The following UBE2E1 variants were observed in gnomAD, a reference collection of about 807,000 sequenced individuals.
The protein encoded by UBE2E1 is ubiquitin conjugating enzyme E2 E1.
Under a neutral mutation model 21.4 loss-of-function variants are expected in UBE2E1, and 6 were observed. The ratio of observed to expected loss-of-function variants is 0.28; its 90% CI spans 0.15 to 0.55. The LOEUF (loss-of-function observed/expected upper bound fraction) is 0.55, where lower values mean the gene tolerates loss of function less well. Among genes scored for constraint, UBE2E1 ranks in the 20% least tolerant of loss-of-function variants. UBE2E1 has a pLI of 0.93. For missense variants in UBE2E1, 142 were observed against 236.5 expected, an observed-to-expected ratio of 0.60 and a Z score of 2.62; for synonymous variants, 87 against 82.7, an observed-to-expected ratio of 1.05 and a Z score of -0.28.
intron 3 of UBE2E1, among the ~76,000 whole-genome samples, chr3:23,869,086 G>A (rs1700721517): frequency 6.6e-6 from 1 of 152,134 alleles, no homozygotes; most frequent in Non-Finnish European, 1.5e-5. Flanking sequence ...CTTAGGGTAA[G>A]TTCCAAGAAG....
chr3:23,813,054 G>A (rs1699437115), intron 3 of UBE2E1, among the ~76,000 whole-genome samples: 1 of 151,516 alleles, frequency 6.6e-6, no homozygotes, highest in African/African-American at 2.4e-5. Context: ...GAGTTTATGT[G>A]TGAAAGATTT....
chr3:23,831,127 T>C (rs1324297233), intron 3 of UBE2E1, among the ~76,000 whole-genome samples: 1 of 152,192 alleles, frequency 6.6e-6, no homozygotes, highest in African/African-American at 2.4e-5. Context: ...GTAACAGCAG[T>C]CTAATTAATT....
chr3:23,860,811 T>C (rs909402901), intron 3 of UBE2E1, among the ~76,000 whole-genome samples: 5 of 152,244 alleles, frequency 3.3e-5, no homozygotes, highest in Admixed American at 3.3e-4. Context: ...GTACACTATA[T>C]TTAAACTATT....
intron 3 of UBE2E1, among the ~76,000 whole-genome samples, chr3:23,812,177 T>C (rs918060083): frequency 1.2e-4 from 19 of 152,168 alleles, no homozygotes; most frequent in Admixed American, 1.2e-3. Context: ...TTTGCTACTG[T>C]TGAGTCAAGG....
At chr3:23,814,196 T>A (rs1251386074) in intron 3 of UBE2E1, among the ~76,000 whole-genome samples, 1 of 152,200 alleles carries the variant, frequency 6.6e-6, no homozygotes, top group Admixed American at 6.5e-5. Context: ...GAATTGCTCC[T>A]CTTGAAGGAA....
chr3:23,859,914 A>G (rs72627035), intron 3 of UBE2E1, among the ~76,000 whole-genome samples: 2 of 152,142 alleles, frequency 1.3e-5, no homozygotes, highest in Admixed American at 6.5e-5. Context: ...GCATATAAGG[A>G]TTTATTTCGT....
Position 23,876,115 on chromosome 3 carries a change from C to T in UBE2E1, c.204-11452C>T, listed in dbSNP as rs777925624. ...TGTGGGTACTAGTTTTTCTGGGGAG[C>T]CCTTTAGGTTGGCTCTAGGTCTGCA... On this transcript the variant is annotated intron_variant, in intron 3 of 5. Transcript: ENST00000306627. The surrounding 1 kb of genome is among the most constrained non-coding windows in gnomAD (Gnocchi z 4.3). Among the ~76,000 whole-genome samples, 3 of 152,092 alleles carry T rather than the reference C, an allele frequency of 2.0e-5. No individual in the cohort carries two copies. Among genetic ancestry groups the T allele is most frequent in the South Asian group, 2.1e-4 (1 of 4,814 alleles).
chr3:23,867,495 A>G (rs180701694), intron 3 of UBE2E1, among the ~76,000 whole-genome samples: 8 of 152,304 alleles, frequency 5.3e-5, no homozygotes, highest in Admixed American at 2.0e-4. Flanking sequence ...ATGTGTTTTG[A>G]CTGTTTAGAT....
intron 3 of UBE2E1, among the ~76,000 whole-genome samples, chr3:23,855,588 G>A (rs988394094): frequency 6.6e-6 from 1 of 152,134 alleles, no homozygotes; most frequent in Non-Finnish European, 1.5e-5. Context: ...CCAGCACTTT[G>A]GGAGGCCGAG....
intron 3 of UBE2E1, among the ~76,000 whole-genome samples, chr3:23,821,675 C>T (rs1699648482): frequency 6.6e-6 from 1 of 151,996 alleles, no homozygotes; most frequent in East Asian, 1.9e-4. Flanking sequence ...AAAATGACTC[C>T]AAGTTTCTGT....
At chr3:23,847,976 C>T (rs547879600) in intron 3 of UBE2E1, among the ~76,000 whole-genome samples, 1 of 152,278 alleles carries the variant, frequency 6.6e-6, no homozygotes, top group South Asian at 2.1e-4. Flanking sequence ...TTATACACCC[C>T]TTTCCCCTAC....
intron 3 of UBE2E1, among the ~76,000 whole-genome samples, chr3:23,869,823 T>G (rs1415881945): frequency 6.6e-6 from 1 of 151,660 alleles, no homozygotes; most frequent in Non-Finnish European, 1.5e-5. Context: ...GCAGAACACT[T>G]GCCTCAGAAT....
chr3:23,822,821 C>T (rs978796375), intron 3 of UBE2E1, among the ~76,000 whole-genome samples: 3 of 145,628 alleles, frequency 2.1e-5, no homozygotes, highest in African/African-American at 7.7e-5. Flanking sequence ...TTTTTCATCC[C>T]CTCCCCCATC....
At position 23,853,397 on chromosome 3, in the gene UBE2E1, G is replaced by A. The variant is rs1451587935; in HGVS notation, c.204-34170G>A. Among the ~76,000 whole-genome samples, 1 of 152,190 alleles carries A rather than the reference G, an allele frequency of 6.6e-6. No individual in the cohort carries two copies. The highest frequency in any genetic ancestry group is 6.5e-5 in the Admixed American group (1 of 15,282). On this transcript the variant is annotated intron_variant, in intron 3 of 5. Transcript: ENST00000306627. The surrounding 1 kb of genome is among the most constrained non-coding windows in gnomAD (Gnocchi z 4.1). ...GTCACCATTAAGTATGGTGTTGGCT[G>A]TGGGTTTATCATTAGTGTCTGTTTA...
At position 23,823,554 on chromosome 3, in the gene UBE2E1, A is replaced by G. The variant is rs186361630; in HGVS notation, c.203+12044A>G. 1.6e-3 allele frequency among the ~76,000 whole-genome samples: 249 copies of G among 152,340 alleles called. 1 individual carries two copies. The highest frequency in any genetic ancestry group is 5.9e-3 in the African/African-American group (246 of 41,570). ...GGTACATCTCAATTTTTAAGTTAAT[A>G]TATTAGAATTGGTGTTATAAAAATT... On this transcript the variant is annotated intron_variant, in intron 3 of 5. Coordinates refer to ENST00000306627, the MANE Select transcript of UBE2E1 (RefSeq NM_003341.5). This position sits in a 1 kb window ranked among gnomAD's most constrained non-coding sequence, Gnocchi z 4.2.
chr3:23,826,026 C>T (rs899302902), intron 3 of UBE2E1, among the ~76,000 whole-genome samples: 1 of 152,002 alleles, frequency 6.6e-6, no homozygotes, highest in Non-Finnish European at 1.5e-5. Flanking sequence ...GTGCTCCAGC[C>T]TGGGCAACAT....
intron 3 of UBE2E1, among the ~76,000 whole-genome samples, chr3:23,839,348 C>T (rs1700037063): frequency 6.6e-6 from 1 of 151,922 alleles, no homozygotes; most frequent in South Asian, 2.1e-4. Flanking sequence ...CATGTAGTCT[C>T]AGCTACTTGG....
At chr3:23,807,469 C>T in intron 2 of UBE2E1, 48 bp downstream of exon 2, 3 of 1,589,990 alleles carry the variant, frequency 1.9e-6, no homozygotes, top group Middle Eastern at 1.7e-4. Flanking sequence ...TCCGAACTGC[C>T]TCTTGCTGCA....
At chr3:23,828,121 C>T (rs1028484784) in intron 3 of UBE2E1, among the ~76,000 whole-genome samples, 2 of 151,980 alleles carry the variant, frequency 1.3e-5, no homozygotes, top group Admixed American at 6.6e-5. Flanking sequence ...CTGTCAAGAC[C>T]GAGTTTTTAA....
Sources: allele counts gnomAD v4.1 joint callset (sites outside exome capture counted in the v4.1 genomes callset), GRCh38; gene constraint gnomAD v4.1.1; non-coding constraint Gnocchi (gnomAD v3.1); transcripts MANE v1.5; gene names NCBI Gene and HGNC (gene_info 2026-07-23, HGNC 2026-07-21).